Variants in ANKFN1 observed in about 807,000 individuals in gnomAD.
ANKFN1 encodes the protein ankyrin repeat and fibronectin type III domain containing 1.
Under a neutral mutation model 108.7 loss-of-function variants are expected in ANKFN1, and 74 were observed. That is an observed-to-expected ratio of 0.68 (90% CI 0.56 to 0.83). The LOEUF (loss-of-function observed/expected upper bound fraction) is 0.83. Ranked by LOEUF, ANKFN1 falls within the 40% of genes least tolerant of loss-of-function variation. The pLI, the probability that ANKFN1 is intolerant of heterozygous loss-of-function variation, is 0.00. For missense variants in ANKFN1, 1,505 were observed against 1,382.3 expected (o/e 1.09, Z -1.41); for synonymous variants, 547 against 516.2 (o/e 1.06, Z -0.81).
chr17:56,349,846 C>A, intron 4 of ANKFN1, among the ~76,000 whole-genome samples: 1 of 152,004 alleles, frequency 6.6e-6, no homozygotes, highest in East Asian at 1.9e-4. Flanking sequence ...AACGCTGGGC[C>A]CAGTGCATCA....
chr17:56,392,576 G>A (rs577772357), intron 8 of ANKFN1, among the ~76,000 whole-genome samples: 3 of 152,238 alleles, frequency 2.0e-5, no homozygotes, highest in Admixed American at 6.5e-5. Context: ...GGTGGGCTGA[G>A]TCACAGATAA....
intron 2 of ANKFN1, among the ~76,000 whole-genome samples, chr17:56,217,919 A>G (rs1180174152): frequency 6.6e-6 from 1 of 152,120 alleles, no homozygotes; most frequent in African/African-American, 2.4e-5. Flanking sequence ...TTTACTTGCT[A>G]GGATCTCAAC....
chr17:56,438,999 G>T (rs1158396173), intron 8 of ANKFN1, among the ~76,000 whole-genome samples: 1 of 152,144 alleles, frequency 6.6e-6, no homozygotes, highest in Non-Finnish European at 1.5e-5. Context: ...CAAAACCGGG[G>T]GAGGGGAATG....
intron 8 of ANKFN1, among the ~76,000 whole-genome samples, chr17:56,381,659 T>C (rs777405817): frequency 8.5e-5 from 13 of 152,164 alleles, no homozygotes; most frequent in African/African-American, 2.4e-4. Context: ...CAGGAGCCGA[T>C]GCAATCAACT....
chr17:56,124,902 T>C (rs1390466541), intron 4 of ANKFN1, among the ~76,000 whole-genome samples: 3 of 152,230 alleles, frequency 2.0e-5, no homozygotes, highest in African/African-American at 7.2e-5. Context: ...ACATGCCTAA[T>C]GGCAAGGTGA....
At chr17:56,450,225 C>T (rs769087211) in intron 11 of ANKFN1, among the ~76,000 whole-genome samples, 15 of 151,314 alleles carry the variant, frequency 9.9e-5, no homozygotes, top group Non-Finnish European at 2.2e-4. Context: ...CCAACCTGGG[C>T]AACAGGGCAA....
chr17:56,286,424 G>C (rs1172003122), intron 3 of ANKFN1, among the ~76,000 whole-genome samples: 1 of 152,174 alleles, frequency 6.6e-6, no homozygotes, highest in Non-Finnish European at 1.5e-5. Context: ...GATGCCTGGG[G>C]CCTAAGGTGG....
intron 15 of ANKFN1, 145 bp from the exon 16 acceptor site, chr17:56,477,343 A>T (rs1598686545): frequency 1.4e-6 from 1 of 694,490 alleles, no homozygotes; most frequent in East Asian, 3.1e-5. Context: ...CCCAGCATTC[A>T]TGGTATACCT....
At chr17:56,493,031 T>C (rs2051091004) in intron 19 of ANKFN1, among the ~76,000 whole-genome samples, 1 of 152,082 alleles carries the variant, frequency 6.6e-6, no homozygotes, top group Non-Finnish European at 1.5e-5. Flanking sequence ...ACAAAATGAG[T>C]AGAATAGCAA....
At chr17:56,175,785 G>A (rs888285841) in intron 1 of ANKFN1, among the ~76,000 whole-genome samples, 29 of 152,116 alleles carry the variant, frequency 1.9e-4, no homozygotes, top group African/African-American at 6.8e-4. Context: ...GCTGGAGCAG[G>A]ACAAACCAGC....
chr17:56,462,649 C>G (rs2049945408), intron 14 of ANKFN1, among the ~76,000 whole-genome samples: 1 of 152,146 alleles, frequency 6.6e-6, no homozygotes, highest in African/African-American at 2.4e-5. Context: ...ATGCATTATA[C>G]ATAGTTTGAT....
Position 56,513,169 on chromosome 17 carries a change from G to A in ANKFN1, c.*1900G>A, listed in dbSNP as rs2051823191. 6.6e-6 allele frequency among the ~76,000 whole-genome samples: 1 copy of A among 152,080 alleles called. No homozygotes were observed. The highest frequency in any genetic ancestry group is 6.6e-5 in the Admixed American group (1 of 15,266). On this transcript the variant is annotated 3_prime_UTR_variant, in exon 21 of 21. Coordinates refer to ENST00000682825, the MANE Select transcript of ANKFN1 (RefSeq NM_001370326.1). Reference sequence around the variant, plus strand: ...ACTAGAATTATTCCCTTTATAGCAGGCCGTCCCATTGGGAATTGGTCCACA... The same window carrying A: ...ACTAGAATTATTCCCTTTATAGCAGACCGTCCCATTGGGAATTGGTCCACA...
chr17:56,046,678 G>A (rs1446286336), intron 4 of ANKFN1, among the ~76,000 whole-genome samples: 1 of 152,138 alleles, frequency 6.6e-6, no homozygotes, highest in Non-Finnish European at 1.5e-5. Flanking sequence ...CAGATGTGTG[G>A]ATCTCTATTT....
chr17:56,466,379 G>A lies in ANKFN1; in HGVS notation c.1581G>A (p.Leu527=). ...AGAATTTACTTGGGACACACAACTT[G>A]GGAAGAGTTTACTATGAGCCCATTA... The part of the protein sequence containing the change: ...QLQNLLGTHN[L]GRVYYEPIKD... Residue 527 remains leucine, a synonymous_variant, in exon 15 of 21, where the codon TTG becomes TTA. Coordinates refer to ENST00000682825, the MANE Select transcript of ANKFN1 (RefSeq NM_001370326.1). The A allele has an allele frequency of 6.2e-7, 1 of 1,614,112 alleles. No homozygotes were observed. Among genetic ancestry groups the A allele is most frequent in the Non-Finnish European group, 8.5e-7 (1 of 1,179,992 alleles).
chr17:56,187,487 G>A (rs1912334122), intron 1 of ANKFN1, among the ~76,000 whole-genome samples: 1 of 152,172 alleles, frequency 6.6e-6, no homozygotes, highest in Non-Finnish European at 1.5e-5. Context: ...CACTGTTGGT[G>A]GGACTGTAAA....
At chr17:56,255,148 A>T (rs912734423) in intron 3 of ANKFN1, among the ~76,000 whole-genome samples, 5 of 152,204 alleles carry the variant, frequency 3.3e-5, no homozygotes. Context: ...CAACTCTTGG[A>T]CGATTCCCTT....
intron 3 of ANKFN1, among the ~76,000 whole-genome samples, chr17:56,322,716 A>C (rs2045405828): frequency 6.6e-6 from 1 of 152,214 alleles, no homozygotes; most frequent in African/African-American, 2.4e-5. Context: ...TTCCAGTTCA[A>C]ACGCCACCTT....
chr17:56,243,627 C>T (rs1345846742), intron 3 of ANKFN1, among the ~76,000 whole-genome samples: 2 of 152,078 alleles, frequency 1.3e-5, no homozygotes, highest in Non-Finnish European at 2.9e-5. Flanking sequence ...AACTCCTAGC[C>T]CTCCCTAATT....
intron 20 of ANKFN1, among the ~76,000 whole-genome samples, chr17:56,500,081 C>T (rs1382075141): frequency 1.3e-5 from 2 of 152,186 alleles, no homozygotes; most frequent in African/African-American, 2.4e-5. Context: ...TGAGCTTGAA[C>T]AGATTACTAC....
Sources: allele counts gnomAD v4.1 joint callset (sites outside exome capture counted in the v4.1 genomes callset), GRCh38; gene constraint gnomAD v4.1.1; transcripts MANE v1.5; gene names NCBI Gene and HGNC (gene_info 2026-07-23, HGNC 2026-07-21).